DMD: variants seen among roughly 807,000 people sequenced by gnomAD.
DMD encodes dystrophin, also known as mutant dystrophin.
Under a neutral mutation model 330.1 loss-of-function variants are expected in DMD, and 63 were observed. That is an observed-to-expected ratio of 0.19 (90% CI 0.16 to 0.24). DMD has a LOEUF of 0.24. DMD is among the 10% of genes least tolerant of loss of function. The pLI is 1.00. For synonymous variants in DMD, 1,223 were observed against 959.8 expected (o/e 1.27, Z -5.07); for missense variants, 3,344 against 2,684.1 (o/e 1.25, Z -5.43).
At chrX:32,617,126 C>G (rs1340990597) in intron 11 of DMD, among the ~76,000 whole-genome samples, 2 of 110,211 alleles carry the variant, frequency 1.8e-5, no homozygotes, top group African/African-American at 6.6e-5. Flanking sequence ...TGAGTTCACC[C>G]AATACAATGC....
intron 7 of DMD, among the ~76,000 whole-genome samples, chrX:32,786,475 T>C (rs191235607): frequency 1.1e-3 from 123 of 111,530 alleles, no homozygotes; most frequent in African/African-American, 4.0e-3. Flanking sequence ...TTGGATAGAA[T>C]GTCATACTTG....
At chrX:32,411,534 C>T (rs949828860) in intron 30 of DMD, among the ~76,000 whole-genome samples, 3 of 111,545 alleles carry the variant, frequency 2.7e-5, no homozygotes, top group African/African-American at 6.5e-5. Flanking sequence ...TTTGAAATGT[C>T]TTTATTTCAA....
chrX:32,560,284 G>A (rs371654227), intron 16 of DMD, among the ~76,000 whole-genome samples: 42 of 109,337 alleles, frequency 3.8e-4, no homozygotes, highest in Non-Finnish European at 5.3e-4. Context: ...AATTTATGGC[G>A]TAATATGATA....
chrX:32,081,580 C>T (rs2096391750), intron 44 of DMD, among the ~76,000 whole-genome samples: 1 of 111,625 alleles, frequency 9.0e-6, no homozygotes, highest in Admixed American at 9.5e-5. Flanking sequence ...TCTGGCCGGG[C>T]GTAGTGGCTC....
Position 32,337,508 on chromosome X carries a change from C to CT in DMD, c.5922+4591dup, listed in dbSNP as rs750412729. On this transcript the variant is annotated intron_variant, in intron 41 of 78. Transcript: ENST00000357033. Reference sequence around the variant, plus strand: ...ATTTCTTTTTCTTCACTGAAGTGGGCTTTTTTTTGTATTTTTTTGCTGCTG... The same window carrying CT: ...ATTTCTTTTTCTTCACTGAAGTGGGCTTTTTTTTTGTATTTTTTTGCTGCTG... Among the ~76,000 whole-genome samples, 989 of 109,031 alleles carry CT rather than the reference C, an allele frequency of 9.1e-3. 16 individuals carry two copies. In the East Asian group the frequency reaches 0.1, roughly 11 times the overall value. 94.7% of individuals were successfully genotyped at this position (109,031 alleles called of 115,157 possible).
At chrX:32,433,107 T>C (rs1378916668) in intron 29 of DMD, among the ~76,000 whole-genome samples, 1 of 112,544 alleles carries the variant, frequency 8.9e-6, no homozygotes, top group Non-Finnish European at 1.9e-5. Flanking sequence ...ACTTTAATAT[T>C]TAAGACTCTA....
intron 62 of DMD, among the ~76,000 whole-genome samples, chrX:31,306,401 C>T (rs1056229185): frequency 9.0e-6 from 1 of 111,341 alleles, no homozygotes; most frequent in Non-Finnish European, 1.9e-5. Flanking sequence ...ATAGAATTTA[C>T]ATCTTTGGAC....
intron 67 of DMD, 62 bp downstream of exon 67, chrX:31,203,899 T>C (rs917045470): frequency 9.3e-7 from 1 of 1,072,395 alleles, no homozygotes; most frequent in African/African-American, 1.9e-5. Context: ...CTCTGTGGGT[T>C]TTTTAATTAA....
intron 1 of DMD, among the ~76,000 whole-genome samples, chrX:33,193,390 T>C (rs1368386444): frequency 8.9e-6 from 1 of 112,537 alleles, no homozygotes; most frequent in Non-Finnish European, 1.9e-5. Flanking sequence ...TTGGAACCAC[T>C]CTGAAGCTAA....
At chrX:31,402,783 C>G (rs2061247644) in intron 60 of DMD, among the ~76,000 whole-genome samples, 1 of 111,818 alleles carries the variant, frequency 8.9e-6, no homozygotes, top group Admixed American at 9.5e-5. Context: ...TATCAAATGG[C>G]TGAATGACTC....
At chrX:32,738,646 G>C (rs932532323) in intron 7 of DMD, among the ~76,000 whole-genome samples, 14 of 111,800 alleles carry the variant, frequency 1.3e-4, no homozygotes, top group African/African-American at 4.5e-4. Flanking sequence ...ATTGAATGGA[G>C]GTAAAACTAG....
At chrX:32,115,240 T>C (rs1403739823) in intron 44 of DMD, among the ~76,000 whole-genome samples, 1 of 111,228 alleles carries the variant, frequency 9.0e-6, no homozygotes, top group Non-Finnish European at 1.9e-5. Flanking sequence ...CCACATTATT[T>C]ATTTATTTAT....
intron 43 of DMD, among the ~76,000 whole-genome samples, chrX:32,268,893 T>C (rs2097354639): frequency 9.1e-6 from 1 of 109,598 alleles, no homozygotes; most frequent in African/African-American, 3.3e-5. Context: ...ATGAGCAGGG[T>C]AGGAGACCCC....
At chrX:31,439,223 A>G (rs746361233) in intron 60 of DMD, among the ~76,000 whole-genome samples, 1 of 111,983 alleles carries the variant, frequency 8.9e-6, no homozygotes, top group Non-Finnish European at 1.9e-5. Flanking sequence ...CATGGAAGTA[A>G]TAAAAGAGAA....
chrX:33,155,688 GT>G (rs1198626232), intron 1 of DMD, among the ~76,000 whole-genome samples: 3 of 110,524 alleles, frequency 2.7e-5, no homozygotes. Flanking sequence ...GCCGGGCATG[GT>G]GGCTCGTATC....
intron 44 of DMD, among the ~76,000 whole-genome samples, chrX:32,213,837 G>T (rs1026508028): frequency 9.1e-6 from 1 of 110,254 alleles, no homozygotes; most frequent in African/African-American, 3.3e-5. Context: ...AGCCAGGTGT[G>T]GGGGTGGGCA....
chrX:33,199,397 G>A (rs1243879443), intron 1 of DMD, among the ~76,000 whole-genome samples: 1 of 111,349 alleles, frequency 9.0e-6, no homozygotes, highest in Non-Finnish European at 1.9e-5. Flanking sequence ...GATGAGATAT[G>A]TTTCTGGCTT....
intron 15 of DMD, among the ~76,000 whole-genome samples, 181 bp downstream of exon 15, chrX:32,573,349 A>G (rs1297639807): frequency 8.9e-6 from 1 of 112,075 alleles, no homozygotes; most frequent in African/African-American, 3.2e-5. Context: ...CAAAGTTGAA[A>G]ATCCACCTAT....
At chrX:32,966,446 G>A (rs983997309) in intron 2 of DMD, among the ~76,000 whole-genome samples, 2 of 111,657 alleles carry the variant, frequency 1.8e-5, no homozygotes, top group African/African-American at 3.3e-5. Context: ...CATGTCAAAT[G>A]TGTGCCCTGG....
Sources: allele counts gnomAD v4.1 joint callset (sites outside exome capture counted in the v4.1 genomes callset), GRCh38; gene constraint gnomAD v4.1.1; transcripts MANE v1.5; gene names NCBI Gene and HGNC (gene_info 2026-07-23, HGNC 2026-07-21).